The following FBXL17 variants were observed in gnomAD, a reference collection of about 807,000 sequenced individuals.
FBXL17 encodes F-box and leucine rich repeat protein 17, also known as F-box/LRR-repeat protein 17.
A neutral mutation model predicts 66.2 loss-of-function variants in FBXL17; 22 were observed. The observed-to-expected ratio is 0.33, with a 90% CI of 0.24 to 0.47. The LOEUF is 0.47. Ranked by LOEUF, FBXL17 falls within the 20% of genes least tolerant of loss-of-function variation. The pLI is 1.00. For synonymous variants in FBXL17, 474 were observed against 400.5 expected, an observed-to-expected ratio of 1.18 and a Z score of -2.19; for missense variants, 878 against 948.2, an observed-to-expected ratio of 0.93 and a Z score of 0.97.
intron 7 of FBXL17, among the ~76,000 whole-genome samples, chr5:107,902,600 A>T (rs1389925063): frequency 6.6e-6 from 1 of 152,138 alleles, no homozygotes; most frequent in Non-Finnish European, 1.5e-5. Flanking sequence ...GACTTAAGCA[A>T]AGCATGGGTA....
At chr5:108,086,748 T>G (rs1444671584) in intron 6 of FBXL17, among the ~76,000 whole-genome samples, 1 of 151,840 alleles carries the variant, frequency 6.6e-6, no homozygotes. Flanking sequence ...TTTAGTAGAG[T>G]AGGGGTTTCA....
chr5:108,262,072 T>A (rs56013802), intron 4 of FBXL17, among the ~76,000 whole-genome samples: 43,527 of 134,152 alleles, frequency 0.32, 7,072 homozygotes, highest in South Asian at 0.48. Flanking sequence ...ATTTATTTAT[T>A]TATTTATTTA....
chr5:108,279,783 A>C (rs1163398440), intron 4 of FBXL17, among the ~76,000 whole-genome samples: 1 of 152,004 alleles, frequency 6.6e-6, no homozygotes, highest in Non-Finnish European at 1.5e-5. Flanking sequence ...TTGGGGGAAA[A>C]AAGCAAATTC....
chr5:108,078,143 T>C (rs1044463880), intron 6 of FBXL17, among the ~76,000 whole-genome samples: 2 of 152,222 alleles, frequency 1.3e-5, no homozygotes, highest in African/African-American at 4.8e-5. Context: ...CTACATCATA[T>C]ATACAGGCCT....
intron 6 of FBXL17, among the ~76,000 whole-genome samples, chr5:108,064,692 C>G (rs745308468): frequency 6.6e-6 from 1 of 152,208 alleles, no homozygotes; most frequent in Non-Finnish European, 1.5e-5. Flanking sequence ...AGCTGAATTG[C>G]TAGTCTTGTC....
At chr5:108,167,262 C>T (rs903831558) in intron 6 of FBXL17, among the ~76,000 whole-genome samples, 1 of 152,138 alleles carries the variant, frequency 6.6e-6, no homozygotes, top group Non-Finnish European at 1.5e-5. Context: ...AAGACCTTCA[C>T]TGTCAATTTG....
intron 6 of FBXL17, among the ~76,000 whole-genome samples, chr5:108,044,872 TG>T (rs761339797): frequency 6.6e-6 from 1 of 152,180 alleles, no homozygotes; most frequent in Non-Finnish European, 1.5e-5. Context: ...TGTGGTAGCT[TG>T]TGTTTTTCAA....
chr5:107,991,588 G>C (rs1753251412), intron 7 of FBXL17, among the ~76,000 whole-genome samples: 2 of 152,078 alleles, frequency 1.3e-5, no homozygotes, highest in Admixed American at 6.6e-5. Context: ...AGATTGTATT[G>C]GCCTTGCAAG....
intron 4 of FBXL17, among the ~76,000 whole-genome samples, chr5:108,273,669 G>T (rs1161265172): frequency 6.6e-6 from 1 of 151,738 alleles, no homozygotes; most frequent in African/African-American, 2.4e-5. Context: ...TCACTTCTAT[G>T]AAATAACACA....
chr5:107,863,245 A>G (rs573340141), intron 8 of FBXL17, among the ~76,000 whole-genome samples: 11 of 151,560 alleles, frequency 7.3e-5, no homozygotes, highest in African/African-American at 2.7e-4. Context: ...CAGACAGCTT[A>G]TAACAGTACA....
chr5:108,328,389 T>C (rs1759960630), intron 4 of FBXL17, among the ~76,000 whole-genome samples: 1 of 152,146 alleles, frequency 6.6e-6, no homozygotes, highest in African/African-American at 2.4e-5. Flanking sequence ...ACGTGCCTCT[T>C]GGTTTCATCA....
chr5:107,875,275 A>G lies in FBXL17; in HGVS notation c.1965+5762T>C, dbSNP rs75481745. Among the ~76,000 whole-genome samples the G allele has an allele frequency of 2.2e-3, 330 of 152,328 alleles. 1 individual carries two copies. Among genetic ancestry groups the G allele is most frequent in the Non-Finnish European group, 3.5e-3 (235 of 68,034 alleles). Reference sequence around the variant, plus strand: ...AATTGCTACCAAAACAGTCCTGGACACAGTGCCCTCAAATTATTTTTCTCT... The same window carrying G: ...AATTGCTACCAAAACAGTCCTGGACGCAGTGCCCTCAAATTATTTTTCTCT... On this transcript the variant is annotated intron_variant, in intron 8 of 8. Coordinates refer to ENST00000542267, the MANE Select transcript of FBXL17 (RefSeq NM_001163315.3).
chr5:107,918,042 T>C (rs1458758298), intron 7 of FBXL17, among the ~76,000 whole-genome samples: 1 of 152,214 alleles, frequency 6.6e-6, no homozygotes, highest in East Asian at 1.9e-4. Flanking sequence ...GGTCTCCTTC[T>C]ACCTTCCACA....
At chr5:108,041,795 A>G (rs56159704) in intron 6 of FBXL17, among the ~76,000 whole-genome samples, 6,895 of 152,264 alleles carry the variant, frequency 0.045, 535 homozygotes, top group African/African-American at 0.16. Flanking sequence ...AATACAAAAA[A>G]GTTGAAAGAA....
chr5:108,143,499 G>A (rs998352173), intron 6 of FBXL17, among the ~76,000 whole-genome samples: 1 of 152,016 alleles, frequency 6.6e-6, no homozygotes, highest in Non-Finnish European at 1.5e-5. Flanking sequence ...TGGTCACAAT[G>A]GAACACTCAG....
chr5:108,073,647 A>T (rs1435117705), intron 6 of FBXL17, among the ~76,000 whole-genome samples: 1 of 152,190 alleles, frequency 6.6e-6, no homozygotes, highest in African/African-American at 2.4e-5. Flanking sequence ...AGTACACTAT[A>T]AACAAGTTTC....
At chr5:107,994,552 A>G (rs1753388659) in intron 7 of FBXL17, among the ~76,000 whole-genome samples, 1 of 152,186 alleles carries the variant, frequency 6.6e-6, no homozygotes, top group Non-Finnish European at 1.5e-5. Flanking sequence ...TATCAAACCT[A>G]TACAAGGCTG....
chr5:108,092,844 A>G (rs1235621853), intron 6 of FBXL17, among the ~76,000 whole-genome samples: 1 of 152,210 alleles, frequency 6.6e-6, no homozygotes, highest in Non-Finnish European at 1.5e-5. Context: ...TATTTTCAGA[A>G]TTTGGTTATT....
intron 6 of FBXL17, among the ~76,000 whole-genome samples, chr5:108,056,502 C>T (rs942705421): frequency 3.9e-5 from 6 of 152,182 alleles, no homozygotes; most frequent in African/African-American, 1.4e-4. Context: ...AGTGCATATG[C>T]TGGGTCTATC....
Sources: gnomAD v4.1 joint callset for allele counts (sites outside exome capture counted in the v4.1 genomes callset) on GRCh38, gnomAD v4.1.1 for gene constraint, MANE v1.5 for transcripts, NCBI Gene and HGNC (gene_info 2026-07-23, HGNC 2026-07-21) for gene names.